CACNA1C: variants seen among roughly 807,000 people sequenced by gnomAD.
CACNA1C encodes the protein voltage-dependent L-type calcium channel subunit alpha-1C.
In CACNA1C, 30 loss-of-function variants were observed where a neutral mutation model predicts 229.0. The ratio of observed to expected loss-of-function variants is 0.13; its 90% CI spans 0.10 to 0.18. CACNA1C has a LOEUF of 0.18. CACNA1C is among the 10% of genes least tolerant of loss of function. CACNA1C has a pLI of 1.00. For missense variants in CACNA1C, 1,658 were observed against 2,845.0 expected (o/e 0.58, Z 9.49); for synonymous variants, 1,114 against 1,132.5 (o/e 0.98, Z 0.33).
At chr12:2,033,667 C>A (rs1251344410) in intron 1 of CACNA1C, among the ~76,000 whole-genome samples, 1 of 152,222 alleles carries the variant, frequency 6.6e-6, no homozygotes, top group Non-Finnish European at 1.5e-5. Flanking sequence ...AAAACAACAA[C>A]AACATCCCAG....
chr12:2,143,858 C>T (rs905123160), intron 3 of CACNA1C, among the ~76,000 whole-genome samples: 1 of 150,694 alleles, frequency 6.6e-6, no homozygotes, highest in Non-Finnish European at 1.5e-5. Flanking sequence ...TTCTCCCTGC[C>T]CCACCCCAAT....
At chr12:2,397,213 G>C (rs938782880) in intron 3 of CACNA1C, among the ~76,000 whole-genome samples, 1 of 152,200 alleles carries the variant, frequency 6.6e-6, no homozygotes, top group Non-Finnish European at 1.5e-5. Context: ...TAAACTCTGG[G>C]GACTGTGGAG....
At chr12:2,082,037 G>A (rs956657915) in intron 1 of CACNA1C, among the ~76,000 whole-genome samples, 1 of 151,874 alleles carries the variant, frequency 6.6e-6, no homozygotes, top group Non-Finnish European at 1.5e-5. Flanking sequence ...AAACAGGGGG[G>A]ACAGGGGGGA....
chr12:2,277,156 A>T (rs931180985), intron 3 of CACNA1C, among the ~76,000 whole-genome samples: 4 of 152,150 alleles, frequency 2.6e-5, no homozygotes, highest in Non-Finnish European at 5.9e-5. Context: ...ATACCCCTTG[A>T]GGTAGCTATT....
At chr12:2,172,482 A>G (rs775637535) in intron 3 of CACNA1C, among the ~76,000 whole-genome samples, 1 of 152,234 alleles carries the variant, frequency 6.6e-6, no homozygotes, top group Non-Finnish European at 1.5e-5. Flanking sequence ...ACTAATTATG[A>G]TAATCTCACA....
chr12:2,144,120 G>T (rs896287376), intron 3 of CACNA1C, among the ~76,000 whole-genome samples: 3 of 151,230 alleles, frequency 2.0e-5, no homozygotes, highest in African/African-American at 7.3e-5. Context: ...CTGTGTAAAC[G>T]CTGAGAAAAC....
chr12:2,470,921 C>G (rs1428107608), intron 5 of CACNA1C, among the ~76,000 whole-genome samples: 2 of 152,020 alleles, frequency 1.3e-5, no homozygotes, highest in East Asian at 1.9e-4. Flanking sequence ...CAACCACCCC[C>G]TCCCGGGTTC....
intron 1 of CACNA1C, among the ~76,000 whole-genome samples, chr12:1,972,239 C>T (rs1285708631): frequency 1.3e-5 from 2 of 152,254 alleles, no homozygotes; most frequent in Non-Finnish European, 2.9e-5. Context: ...CCACTCCTTT[C>T]ATGAAGTCTT....
chr12:2,525,429 T>C, intron 9 of CACNA1C, among the ~76,000 whole-genome samples: 1 of 152,144 alleles, frequency 6.6e-6, no homozygotes. Context: ...CTTTTCAGCC[T>C]CAGGAATGAT....
At chr12:2,280,840 TTTTC>T (rs1454759882) in intron 3 of CACNA1C, among the ~76,000 whole-genome samples, 7 of 152,384 alleles carry the variant, frequency 4.6e-5, no homozygotes, top group African/African-American at 1.7e-4. Flanking sequence ...TTTTCCCTCT[TTTTC>T]TGCCTCCTTT....
rs1566165783 is a variant in CACNA1C, at chr12:2,177,634, C to CTTTCTT, written c.477+57205_477+57206insTTCTTT. Among the ~76,000 whole-genome samples the CTTTCTT allele has an allele frequency of 1.6e-3, 176 of 112,952 alleles. 1 individual carries two copies. The highest frequency in any genetic ancestry group is 9.3e-3 in the South Asian group (26 of 2,794). The allele number at this position is 112,952 out of a possible 152,430, so 74.1% of individuals were successfully genotyped here. A position where few individuals can be genotyped will look rare whatever the true frequency, so the allele number is the denominator to read the frequency against. On this transcript the variant is annotated intron_variant, in intron 3 of 46. Coordinates refer to ENST00000399655, the MANE Select transcript of CACNA1C (RefSeq NM_000719.7). ...CTTCCTTCCTTCCTTCCTTCTCTCT[C>CTTTCTT]TCTTTCTTTCTTTCTTTCTTTTTCT...
At position 2,653,795 on chromosome 12, in the gene CACNA1C, G is replaced by A; in HGVS notation, c.4075-40G>A. 6.3e-7 allele frequency: 1 copy of A among 1,578,318 alleles called. No individual in the cohort carries two copies. The highest frequency in any genetic ancestry group is 8.7e-7 in the Non-Finnish European group (1 of 1,148,394). On this transcript the variant is annotated intron_variant, in intron 32 of 46. Transcript: ENST00000399655. The surrounding 1 kb of genome is among the most constrained non-coding windows in gnomAD (Gnocchi z 4.7). ...CTGGGAAGGGGCCCAGCTGGCCTCT[G>A]CACTCCAGCCTCATGGGAGTCTCCT...
intron 3 of CACNA1C, among the ~76,000 whole-genome samples, chr12:2,141,936 G>A (rs893047112): frequency 6.6e-6 from 1 of 151,162 alleles, no homozygotes; most frequent in Admixed American, 6.7e-5. Context: ...AGCGGAAGCC[G>A]GGCGGCTCTT....
At chr12:2,101,167 G>T (rs1595859355) in intron 1 of CACNA1C, among the ~76,000 whole-genome samples, 1 of 152,218 alleles carries the variant, frequency 6.6e-6, no homozygotes, top group Admixed American at 6.5e-5. Flanking sequence ...CAGTGGATGT[G>T]CATTGATTTC....
intron 1 of CACNA1C, among the ~76,000 whole-genome samples, chr12:2,039,169 T>C (rs1453689645): frequency 6.6e-6 from 1 of 152,184 alleles, no homozygotes; most frequent in Non-Finnish European, 1.5e-5. Flanking sequence ...TCCAATCCCC[T>C]GGTAGAGGAT....
At chr12:2,640,800 C>A (rs1284001047) in intron 30 of CACNA1C, among the ~76,000 whole-genome samples, 1 of 152,236 alleles carries the variant, frequency 6.6e-6, no homozygotes, top group Non-Finnish European at 1.5e-5. Flanking sequence ...CAATCACAAG[C>A]AAGCCGGGCT....
chr12:2,173,981 TC>T (rs918807287), intron 3 of CACNA1C, among the ~76,000 whole-genome samples: 1 of 152,000 alleles, frequency 6.6e-6, no homozygotes, highest in Non-Finnish European at 1.5e-5. Flanking sequence ...TTAGCCCCCT[TC>T]CCCCTTAGAA....
Position 2,239,573 on chromosome 12 carries a change from C to T in CACNA1C, c.477+119143C>T, listed in dbSNP as rs139673350. ...GCTTCCCGGGTAGGAGATTCTATCC[C>T]GACAGTCTGTTCTAGCTCCCTTCCC... On this transcript the variant is annotated intron_variant, in intron 3 of 46. Transcript: ENST00000399655. Among the ~76,000 whole-genome samples, 382 of 152,218 alleles carry T rather than the reference C, an allele frequency of 2.5e-3. 3 individuals carry two copies. Among genetic ancestry groups the T allele is most frequent in the African/African-American group, 8.5e-3 (352 of 41,536 alleles).
chr12:2,571,975 A>T (rs1334150584), intron 13 of CACNA1C, among the ~76,000 whole-genome samples: 1 of 152,162 alleles, frequency 6.6e-6, no homozygotes, highest in East Asian at 1.9e-4. Context: ...CTTCTTTTAA[A>T]ATATCTTGGA....
Sources: allele counts gnomAD v4.1 joint callset (sites outside exome capture counted in the v4.1 genomes callset), GRCh38; gene constraint gnomAD v4.1.1; non-coding constraint Gnocchi (gnomAD v3.1); transcripts MANE v1.5; gene names NCBI Gene and HGNC (gene_info 2026-07-23, HGNC 2026-07-21).